The following GRM8 variants were observed in gnomAD, a reference collection of about 807,000 sequenced individuals.
GRM8 encodes the protein glutamate metabotropic receptor 8.
Under a neutral mutation model 87.2 loss-of-function variants are expected in GRM8, and 47 were observed. That is an observed-to-expected ratio of 0.54 (90% CI 0.43 to 0.69). The LOEUF is 0.69. GRM8 is among the 30% of genes least tolerant of loss of function. The pLI, the probability that GRM8 is intolerant of heterozygous loss-of-function variation, is 0.00. For synonymous variants in GRM8, 396 were observed against 404.5 expected (o/e 0.98, Z 0.25); for missense variants, 1,019 against 1,139.2 (o/e 0.89, Z 1.52).
intron 6 of GRM8, among the ~76,000 whole-genome samples, chr7:126,833,532 G>C (rs983973826): frequency 6.6e-6 from 1 of 152,178 alleles, no homozygotes; most frequent in African/African-American, 2.4e-5. Flanking sequence ...AGTATGGTCA[G>C]GCTCTAACCT....
At chr7:126,474,697 T>C (rs1288087278) in intron 9 of GRM8, among the ~76,000 whole-genome samples, 1 of 152,196 alleles carries the variant, frequency 6.6e-6, no homozygotes, top group Non-Finnish European at 1.5e-5. Flanking sequence ...GCTTTTTCCT[T>C]CCTAGGCTTG....
At chr7:126,949,781 G>A (rs950767725) in intron 3 of GRM8, among the ~76,000 whole-genome samples, 8 of 152,168 alleles carry the variant, frequency 5.3e-5, no homozygotes, top group African/African-American at 1.9e-4. Flanking sequence ...TGGAGCCAGA[G>A]GAATAAGGAA....
chr7:127,251,418 G>A (rs1398397441), intron 1 of GRM8, among the ~76,000 whole-genome samples: 1 of 152,138 alleles, frequency 6.6e-6, no homozygotes, highest in Non-Finnish European at 1.5e-5. Flanking sequence ...CTGGCTGGGC[G>A]GATGGGCTTC....
rs566161561 is a variant in GRM8 at position 126,549,545 on chromosome 7, A to G, written c.1495-15658T>C. Among the ~76,000 whole-genome samples, 4 of 152,266 alleles carry G rather than the reference A, an allele frequency of 2.6e-5. No homozygotes were observed. The East Asian group carries it at 7.7e-4, about 29-fold the overall frequency. ...TGAAAAGTTATTATTTAATTTCTAA[A>G]TGGTTGTAGTTTATGTTTATACATA... On this transcript the variant is annotated intron_variant, in intron 8 of 10. Coordinates refer to ENST00000339582, the MANE Select transcript of GRM8 (RefSeq NM_000845.3).
intron 2 of GRM8, among the ~76,000 whole-genome samples, chr7:127,190,226 AG>A (rs1427971139): frequency 6.6e-6 from 1 of 152,192 alleles, no homozygotes; most frequent in East Asian, 1.9e-4. Context: ...AGGGCTCTTG[AG>A]GTCTAAGCTC....
At chr7:127,123,483 T>C (rs1456340341) in intron 2 of GRM8, among the ~76,000 whole-genome samples, 3 of 152,146 alleles carry the variant, frequency 2.0e-5, no homozygotes, top group Non-Finnish European at 4.4e-5. Flanking sequence ...CCTCTCTGTG[T>C]GTGACCTCTG....
chr7:126,619,002 G>C (rs1054161610), intron 7 of GRM8, among the ~76,000 whole-genome samples: 3 of 152,166 alleles, frequency 2.0e-5, no homozygotes, highest in African/African-American at 7.2e-5. Context: ...AACACCATTT[G>C]ACCCAGCCAT....
chr7:126,949,189 A>G (rs1807867849), intron 3 of GRM8, among the ~76,000 whole-genome samples: 1 of 152,180 alleles, frequency 6.6e-6, no homozygotes. Context: ...ATTTAGCATC[A>G]TGCAGTCAAG....
At chr7:126,524,173 AAAAGTT>A (rs1813474321) in intron 9 of GRM8, among the ~76,000 whole-genome samples, 2 of 152,304 alleles carry the variant, frequency 1.3e-5, no homozygotes, top group African/African-American at 4.8e-5. Context: ...GAGTTAAACA[AAAAGTT>A]AAAAAAAATC....
Position 126,636,431 on chromosome 7 carries a change from C to A in GRM8, c.1358-26933G>T, listed in dbSNP as rs139079796. ...TTAAATTAACTCTAAATTACTTATA[C>A]CTAATACAAGGTAAATATTATGTAA... is the stretch of plus-strand genomic sequence containing the variant. On this transcript the variant is annotated intron_variant, in intron 7 of 10. Coordinates refer to ENST00000339582, the MANE Select transcript of GRM8 (RefSeq NM_000845.3). Among the ~76,000 whole-genome samples the A allele has an allele frequency of 4.5e-3, 677 of 152,008 alleles. 7 individuals are homozygous for A. The highest frequency in any genetic ancestry group is 0.016 in the African/African-American group (646 of 41,490).
intron 2 of GRM8, among the ~76,000 whole-genome samples, chr7:127,209,760 G>A (rs1041864053): frequency 1.3e-5 from 2 of 152,226 alleles, no homozygotes; most frequent in Non-Finnish European, 2.9e-5. Flanking sequence ...TCATGTTGAA[G>A]AGGATATTTA....
intron 6 of GRM8, among the ~76,000 whole-genome samples, chr7:126,776,862 T>C (rs192706681): frequency 9.2e-5 from 14 of 152,282 alleles, no homozygotes; most frequent in Non-Finnish European, 1.5e-4. Flanking sequence ...TTCTAAGGCA[T>C]GTTCTCTTAT....
At chr7:126,595,511 C>G (rs1319553404) in intron 8 of GRM8, among the ~76,000 whole-genome samples, 1 of 151,550 alleles carries the variant, frequency 6.6e-6, no homozygotes, top group Admixed American at 6.6e-5. Context: ...AAGTAATCAG[C>G]CTGTCTGGGC....
Position 126,589,912 on chromosome 7 carries a change from A to G in GRM8, c.1494+19450T>C, listed in dbSNP as rs777097085. 3.3e-5 allele frequency among the ~76,000 whole-genome samples: 5 copies of G among 152,156 alleles called. 1 individual carries two copies. The highest frequency in any genetic ancestry group is 9.7e-5 in the African/African-American group (4 of 41,448). ...GAGCCCCAGATCTTCCCTCTGACAT[A>G]GCCTACACAAATGTAAAAGAACCAG... On this transcript the variant is annotated intron_variant, in intron 8 of 10. Transcript: ENST00000339582.
chr7:126,587,963 AG>A (rs1396379904), intron 8 of GRM8, among the ~76,000 whole-genome samples: 3 of 152,130 alleles, frequency 2.0e-5, no homozygotes, highest in East Asian at 3.9e-4. Context: ...GTATGTTCTT[AG>A]TAGGGGATTT....
intron 3 of GRM8, among the ~76,000 whole-genome samples, chr7:126,967,875 G>A (rs955237039): frequency 1.3e-5 from 2 of 152,166 alleles, no homozygotes; most frequent in African/African-American, 4.8e-5. Flanking sequence ...GTTTAAACCA[G>A]TAAGTCATAA....
chr7:126,656,095 A>G (rs544484432), intron 7 of GRM8, among the ~76,000 whole-genome samples: 14 of 152,134 alleles, frequency 9.2e-5, no homozygotes, highest in Non-Finnish European at 1.9e-4. Context: ...TTTGTTGGGG[A>G]GGGGAAGAGT....
chr7:127,002,345 T>C (rs541766035), intron 3 of GRM8, among the ~76,000 whole-genome samples: 2 of 151,616 alleles, frequency 1.3e-5, no homozygotes, highest in East Asian at 3.9e-4. Context: ...ATAAATCAAG[T>C]TTAAGGATAA....
At chr7:126,856,354 A>C (rs1797683882) in intron 6 of GRM8, among the ~76,000 whole-genome samples, 1 of 149,858 alleles carries the variant, frequency 6.7e-6, no homozygotes, top group African/African-American at 2.4e-5. Context: ...ACATCGCCAC[A>C]TTTTTTTTTT....
Sources: gnomAD v4.1 joint callset for allele counts (sites outside exome capture counted in the v4.1 genomes callset) on GRCh38, gnomAD v4.1.1 for gene constraint, MANE v1.5 for transcripts, NCBI Gene and HGNC (gene_info 2026-07-23, HGNC 2026-07-21) for gene names.